Variants in CCDC171 observed in about 807,000 individuals in gnomAD.
CCDC171 encodes coiled-coil domain containing 171, also known as coiled-coil domain-containing protein 171.
In CCDC171, 177 loss-of-function variants were observed where a neutral mutation model predicts 168.2. That is an observed-to-expected ratio of 1.05 (90% CI 0.93 to 1.19). The LOEUF (loss-of-function observed/expected upper bound fraction) is 1.19, where lower values mean the gene tolerates loss of function less well. CCDC171 is among the 50% of genes most tolerant of loss of function. CCDC171 has a pLI of 0.00. For synonymous variants in CCDC171, 687 were observed against 540.8 expected, an observed-to-expected ratio of 1.27 and a Z score of -3.75; for missense variants, 1,991 against 1,539.0, an observed-to-expected ratio of 1.29 and a Z score of -4.91.
chr9:15,811,496 C>T (rs935967058), intron 21 of CCDC171, among the ~76,000 whole-genome samples: 9 of 152,000 alleles, frequency 5.9e-5, no homozygotes, highest in African/African-American at 2.2e-4. Context: ...TGGTACCAGA[C>T]CTCTGAGACT....
chr9:16,034,782 A>G (rs1341302372), intron 6 of CCDC171, among the ~76,000 whole-genome samples: 1 of 152,198 alleles, frequency 6.6e-6, no homozygotes, highest in African/African-American at 2.4e-5. Flanking sequence ...GATTGGCACT[A>G]CAATCATGTT....
At chr9:16,033,187 G>C (rs1002393172) in intron 6 of CCDC171, among the ~76,000 whole-genome samples, 2 of 152,204 alleles carry the variant, frequency 1.3e-5, no homozygotes, top group African/African-American at 4.8e-5. Flanking sequence ...AGCAAGGGAA[G>C]GCTCTAGTAC....
At chr9:15,834,056 G>C (rs146783053) in intron 21 of CCDC171, among the ~76,000 whole-genome samples, 1 of 152,150 alleles carries the variant, frequency 6.6e-6, no homozygotes, top group East Asian at 1.9e-4. Flanking sequence ...GAAAATACTT[G>C]TTGTTTCAGT....
intron 21 of CCDC171, among the ~76,000 whole-genome samples, chr9:15,805,777 G>A (rs1394860280): frequency 6.6e-6 from 1 of 152,084 alleles, no homozygotes; most frequent in Non-Finnish European, 1.5e-5. Context: ...TTGATCCTGA[G>A]CTAAGTTCAG....
At chr9:15,928,242 G>C (rs931864288) in intron 25 of CCDC171, among the ~76,000 whole-genome samples, 2 of 151,744 alleles carry the variant, frequency 1.3e-5, no homozygotes, top group Non-Finnish European at 2.9e-5. Context: ...AGCGTAGGGT[G>C]CTTTCAGAGC....
chr9:15,848,843 T>C (rs936325294), intron 22 of CCDC171, 50 bp from the exon 23 acceptor site: 2 of 1,005,006 alleles, frequency 2.0e-6, no homozygotes, highest in Non-Finnish European at 3.0e-6. Flanking sequence ...TGTGTAACAG[T>C]TGTAGTAAGG....
At chr9:15,809,969 A>C (rs940952083) in intron 21 of CCDC171, among the ~76,000 whole-genome samples, 9 of 152,160 alleles carry the variant, frequency 5.9e-5, no homozygotes, top group African/African-American at 2.2e-4. Context: ...CCGTTTTGAC[A>C]GGGTGCCGAT....
chr9:15,660,019 A>T (rs1199350581), intron 8 of CCDC171, among the ~76,000 whole-genome samples: 1 of 152,136 alleles, frequency 6.6e-6, no homozygotes, highest in African/African-American at 2.4e-5. Flanking sequence ...AAAGACTTAC[A>T]CTTTTTTCCT....
At chr9:15,934,765 G>T (rs1009056149) in intron 25 of CCDC171, among the ~76,000 whole-genome samples, 1 of 152,034 alleles carries the variant, frequency 6.6e-6, no homozygotes, top group African/African-American at 2.4e-5. Context: ...AAGTCCATCA[G>T]TTGATGAATA....
intron 18 of CCDC171, among the ~76,000 whole-genome samples, chr9:15,773,061 T>C (rs2057097018): frequency 6.6e-6 from 1 of 152,134 alleles, no homozygotes; most frequent in Admixed American, 6.5e-5. Context: ...ACTAACATTA[T>C]TTTAAACGTT....
At chr9:15,682,337 C>T (rs545078347) in intron 10 of CCDC171, among the ~76,000 whole-genome samples, 1 of 151,874 alleles carries the variant, frequency 6.6e-6, no homozygotes, top group African/African-American at 2.4e-5. Context: ...AGTGATAGCT[C>T]CCCTGTTTTG....
chr9:15,576,681 A>G (rs2040692499), intron 3 of CCDC171, among the ~76,000 whole-genome samples: 1 of 152,226 alleles, frequency 6.6e-6, no homozygotes, highest in Non-Finnish European at 1.5e-5. Flanking sequence ...CCATCCAAGC[A>G]AAACTGTTAA....
In CCDC171 at chr9:15,933,324, G is replaced by T. The variant is rs1015551790; in HGVS notation, c.3753+12902G>T. ...TTTCTTCGTAATTTAATCTTGGAAG[G>T]TTATGATCCTTTATATTTCTGTGGT... On this transcript the variant is annotated intron_variant, in intron 25 of 25. Transcript: ENST00000380701. Among the ~76,000 whole-genome samples, 6 of 151,754 alleles carry T rather than the reference G, an allele frequency of 4.0e-5. No homozygotes were observed. The East Asian group carries it at 5.8e-4, about 15-fold the overall frequency.
At chr9:15,966,191 G>A (rs1191231383) in intron 25 of CCDC171, among the ~76,000 whole-genome samples, 1 of 152,214 alleles carries the variant, frequency 6.6e-6, no homozygotes, top group Non-Finnish European at 1.5e-5. Flanking sequence ...GGATGTTACA[G>A]TTAGCTGTAG....
At chr9:15,814,118 G>A (rs577571764) in intron 21 of CCDC171, among the ~76,000 whole-genome samples, 1 of 152,172 alleles carries the variant, frequency 6.6e-6, no homozygotes, top group Non-Finnish European at 1.5e-5. Context: ...AATTTTGTCA[G>A]TTATAGAGAA....
At position 15,657,174 on chromosome 9, in the gene CCDC171, A is replaced by C; in HGVS notation, c.870A>C (p.Glu290Asp). The C allele has an allele frequency of 6.2e-7, 1 of 1,611,940 alleles. No homozygotes were observed. Among genetic ancestry groups the C allele is most frequent in the Non-Finnish European group, 8.5e-7 (1 of 1,178,690 alleles). The change falls in exon 8 of 26, where the codon GAA becomes GAC. Residue 290 changes from glutamate to aspartate, a missense_variant. By Grantham distance (45) the Glu-to-Asp change is conservative. Coordinates refer to ENST00000380701, the MANE Select transcript of CCDC171 (RefSeq NM_173550.4). ...VRKLEENIEA[E>D]RAAHLESKFN... is the part of the protein sequence containing the mutation. Reference sequence around the variant, plus strand: ...AATTAGAAGAAAACATTGAAGCAGAAAGAGCAGCGCATTTGGAATCAAAAT... The same window carrying C: ...AATTAGAAGAAAACATTGAAGCAGACAGAGCAGCGCATTTGGAATCAAAAT...
the CCDC171 span, among the ~76,000 whole-genome samples, chr9:16,070,848 T>A: frequency 1.3e-5 from 2 of 152,218 alleles, no homozygotes; most frequent in African/African-American, 4.8e-5. Context: ...GGAAGTTGTG[T>A]AGCCCTCCTT....
At chr9:15,592,544 C>A (rs981004830) in intron 5 of CCDC171, among the ~76,000 whole-genome samples, 1 of 152,108 alleles carries the variant, frequency 6.6e-6, no homozygotes, top group African/African-American at 2.4e-5. Context: ...CTTTTGATTT[C>A]TTCCACATCA....
chr9:16,063,844 G>A (rs1430782433), downstream of CCDC171, among the ~76,000 whole-genome samples: 3 of 152,266 alleles, frequency 2.0e-5, no homozygotes, highest in Non-Finnish European at 2.9e-5. Flanking sequence ...TGACTCACCC[G>A]AGGTCACACA....
Sources: allele counts gnomAD v4.1 joint callset (sites outside exome capture counted in the v4.1 genomes callset), GRCh38; gene constraint gnomAD v4.1.1; transcripts MANE v1.5; gene names NCBI Gene and HGNC (gene_info 2026-07-23, HGNC 2026-07-21).